Variants in GNAL observed in about 807,000 individuals in gnomAD.
GNAL encodes the protein G protein subunit alpha L.
GNAL carries 18 observed loss-of-function variants against 55.1 expected under a neutral mutation model. The observed-to-expected ratio is 0.33, with a 90% CI of 0.23 to 0.48. The LOEUF is 0.48. Among genes scored for constraint, GNAL ranks in the 20% least tolerant of loss-of-function variants. GNAL has a pLI of 0.99. For synonymous variants in GNAL, 253 were observed against 237.0 expected (o/e 1.07, Z -0.62); for missense variants, 412 against 614.1 (o/e 0.67, Z 3.48).
At position 11,794,935 on chromosome 18, in the gene GNAL, G is replaced by A. The variant is rs534839343; in HGVS notation, c.625-29983G>A. Among the ~76,000 whole-genome samples the A allele has an allele frequency of 2.1e-4, 32 of 152,102 alleles. No homozygotes were observed. In the South Asian group the frequency reaches 2.5e-3, roughly 12 times the overall value. ...TTAGCTCACTGCAACCTCTGCCTCC[G>A]AGGTTCAAGCGATTCTCCTGCCTCA... On this transcript the variant is annotated intron_variant, in intron 4 of 11. Coordinates refer to ENST00000334049, the MANE Select transcript of GNAL (RefSeq NM_182978.4).
intron 1 of GNAL, among the ~76,000 whole-genome samples, chr18:11,697,689 G>A (rs970614326): frequency 6.6e-6 from 1 of 152,196 alleles, no homozygotes; most frequent in Admixed American, 6.5e-5. Flanking sequence ...CTGATGAGAT[G>A]GAGGGAAAGA....
chr18:11,707,365 C>T (rs545644793), intron 1 of GNAL, among the ~76,000 whole-genome samples: 1 of 152,316 alleles, frequency 6.6e-6, no homozygotes, highest in East Asian at 1.9e-4. Flanking sequence ...TGTACATCTC[C>T]ATCAGAGCTC....
chr18:11,880,547 C>G (rs939544529), intron 11 of GNAL, among the ~76,000 whole-genome samples: 1 of 152,132 alleles, frequency 6.6e-6, no homozygotes, highest in Non-Finnish European at 1.5e-5. Flanking sequence ...TGCACTCCAG[C>G]CTGGGCAACA....
chr18:11,873,555 G>A (rs1381279151), intron 10 of GNAL, among the ~76,000 whole-genome samples: 1 of 152,218 alleles, frequency 6.6e-6, no homozygotes, highest in Non-Finnish European at 1.5e-5. Context: ...AGCAGTCTCC[G>A]CACCCGCCAG....
At chr18:11,733,135 C>A (rs1318021223) in intron 1 of GNAL, among the ~76,000 whole-genome samples, 1 of 152,210 alleles carries the variant, frequency 6.6e-6, no homozygotes, top group East Asian at 1.9e-4. Flanking sequence ...GAACGGCCGC[C>A]TGGTGGCGCT....
chr18:11,818,457 C>A (rs1423796084), intron 4 of GNAL, among the ~76,000 whole-genome samples: 1 of 151,978 alleles, frequency 6.6e-6, no homozygotes, highest in Non-Finnish European at 1.5e-5. Context: ...TTCTAAGGCT[C>A]ATGTGATTAC....
intron 10 of GNAL, among the ~76,000 whole-genome samples, chr18:11,873,495 A>G (rs1184534978): frequency 6.6e-6 from 1 of 152,248 alleles, no homozygotes; most frequent in Non-Finnish European, 1.5e-5. Context: ...GGGCCTGAGC[A>G]CCAGCTCTGC....
chr18:11,786,436 CTTTTTTTTTTTTTT>C lies in GNAL; in HGVS notation c.624+32508_624+32521del, dbSNP rs66803403. The stretch of plus-strand genomic sequence containing the variant: ...GGTGGGATAGATCTTCATACGTTTT[CTTTTTTTTTTTTTT>C]TTTTTTTTTTTTTTTTGAGATGGAG... On this transcript the variant is annotated intron_variant, in intron 4 of 11. Coordinates refer to ENST00000334049, the MANE Select transcript of GNAL (RefSeq NM_182978.4). Among the ~76,000 whole-genome samples, 15 of 60,682 alleles carry C rather than the reference CTTTTTTTTTTTTTT, an allele frequency of 2.5e-4. No individual in the cohort carries two copies. In the East Asian group the frequency reaches 2.7e-3, roughly 11 times the overall value. 39.8% of individuals were successfully genotyped at this position (60,682 alleles called of 152,430 possible). A position where few individuals can be genotyped will look rare whatever the true frequency, so the allele number is the denominator to read the frequency against.
At chr18:11,696,994 C>T (rs1013743151) in intron 1 of GNAL, among the ~76,000 whole-genome samples, 3 of 152,240 alleles carry the variant, frequency 2.0e-5, no homozygotes, top group African/African-American at 7.2e-5. Context: ...GTACACCCCC[C>T]AGTGCTTCAG....
At chr18:11,867,333 A>G (rs1005786509) in intron 8 of GNAL, 107 bp downstream of exon 8, 6 of 735,740 alleles carry the variant, frequency 8.2e-6, no homozygotes, top group Non-Finnish European at 1.4e-5. Context: ...TATGTAAAGT[A>G]TAGCATTTAT....
In GNAL at chr18:11,882,879, C is replaced by A. The variant is rs1370394414; in HGVS notation, c.*1744C>A. ...AGCCTCAAACATTATGACACACCAA[C>A]AATATCTAGAAAGTAAGAACTGGTG... On this transcript the variant is annotated 3_prime_UTR_variant, in exon 12 of 12. Transcript: ENST00000334049. 1.3e-5 allele frequency: 2 copies of A among 152,126 alleles called. No homozygotes were observed. The highest frequency in any genetic ancestry group is 2.4e-5 in the African/African-American group (1 of 41,416). The allele number at this position is 152,126 out of a possible 1,614,324, so 9.4% of individuals were successfully genotyped here. A position where few individuals can be genotyped will look rare whatever the true frequency, so the allele number is the denominator to read the frequency against.
intron 5 of GNAL, chr18:11,851,300 T>C (rs1175071023): frequency 3.6e-6 from 2 of 551,076 alleles, no homozygotes; most frequent in African/African-American, 3.8e-5. Context: ...GCCCCTGGCG[T>C]CTTACGTCCC....
intron 4 of GNAL, among the ~76,000 whole-genome samples, chr18:11,788,890 C>G (rs1216710331): frequency 4.5e-5 from 3 of 66,426 alleles, no homozygotes; most frequent in African/African-American, 1.9e-4. Context: ...GAGCAAGACT[C>G]CGTCTCGAAA....
chr18:11,762,705 G>A (rs577646888), intron 4 of GNAL, among the ~76,000 whole-genome samples: 2 of 152,350 alleles, frequency 1.3e-5, no homozygotes, highest in South Asian at 2.1e-4. Flanking sequence ...TCCTCCTCAA[G>A]GCTGGGGAGA....
intron 4 of GNAL, among the ~76,000 whole-genome samples, chr18:11,769,434 A>T (rs2033563679): frequency 6.6e-6 from 1 of 151,828 alleles, no homozygotes; most frequent in Non-Finnish European, 1.5e-5. Flanking sequence ...TCACAAAATC[A>T]AGGCCACTCC....
chr18:11,848,780 A>T (rs946278362), intron 5 of GNAL, among the ~76,000 whole-genome samples: 18 of 152,148 alleles, frequency 1.2e-4, no homozygotes, highest in African/African-American at 3.9e-4. Context: ...TATAAAGTTC[A>T]TATTAACTTT....
At chr18:11,840,703 G>A (rs916475389) in intron 5 of GNAL, among the ~76,000 whole-genome samples, 7 of 152,112 alleles carry the variant, frequency 4.6e-5, no homozygotes, top group African/African-American at 1.2e-4. Context: ...GAGACCTGGT[G>A]GACGTATTCG....
At chr18:11,774,716 C>T (rs1173769112) in intron 4 of GNAL, among the ~76,000 whole-genome samples, 1 of 152,152 alleles carries the variant, frequency 6.6e-6, no homozygotes, top group Non-Finnish European at 1.5e-5. Context: ...GAGCCTGTCC[C>T]CCTGTGTACT....
rs972240962 is a variant in GNAL, at chr18:11,751,120, G to A, written c.377-1733G>A. Among the ~76,000 whole-genome samples the A allele has an allele frequency of 4.9e-4, 74 of 152,250 alleles. No homozygotes were observed. The highest frequency in any genetic ancestry group is 1.8e-3 in the African/African-American group (73 of 41,536). On this transcript the variant is annotated intron_variant, in intron 1 of 11. Coordinates refer to ENST00000334049, the MANE Select transcript of GNAL (RefSeq NM_182978.4). The surrounding 1 kb of genome is among the most constrained non-coding windows in gnomAD (Gnocchi z 4.5). ...GCAAAGGCAAGTTAGACAGCGCAGC[G>A]CCAAGCCCGAGACGGTCAACTGGGA...
Sources: gnomAD v4.1 joint callset for allele counts (sites outside exome capture counted in the v4.1 genomes callset) on GRCh38, gnomAD v4.1.1 for gene constraint, Gnocchi (gnomAD v3.1) non-coding constraint, MANE v1.5 for transcripts, NCBI Gene and HGNC (gene_info 2026-07-23, HGNC 2026-07-21) for gene names.